Variants in SLC25A42 observed in about 807,000 individuals in gnomAD.
SLC25A42 encodes the protein mitochondrial coenzyme A transporter SLC25A42.
In SLC25A42, 19 loss-of-function variants were observed where a neutral mutation model predicts 34.7. That is an observed-to-expected ratio of 0.55 (90% CI 0.38 to 0.80). SLC25A42 has a LOEUF of 0.80. Among genes scored for constraint, SLC25A42 ranks in the 30% least tolerant of loss-of-function variants. The pLI, the probability that SLC25A42 is intolerant of heterozygous loss-of-function variation, is 0.00. For synonymous variants in SLC25A42, 205 were observed against 191.2 expected (o/e 1.07, Z -0.59); for missense variants, 364 against 441.3 (o/e 0.82, Z 1.57).
chr19:19,106,174 C>A, intron 5 of SLC25A42, 95 bp from the exon 6 acceptor site: 3 of 1,085,438 alleles, frequency 2.8e-6, no homozygotes, highest in Non-Finnish European at 4.1e-6. Context: ...CCCCTGTCCC[C>A]GCCCCAGCAG....
At chr19:19,100,050 A>G (rs12971493) in intron 2 of SLC25A42, among the ~76,000 whole-genome samples, 136,557 of 151,850 alleles carry the variant, frequency 0.9, 61,658 homozygotes, top group African/African-American at 0.97. Flanking sequence ...TATTAAAAAT[A>G]GCCCATTTCG....
In SLC25A42 at chr19:19,109,940, G is replaced by A. The variant is rs2146316785; in HGVS notation, c.650-629G>A. 6.6e-6 allele frequency among the ~76,000 whole-genome samples: 1 copy of A among 152,298 alleles called. No individual in the cohort carries two copies. The highest frequency in any genetic ancestry group is 1.5e-5 in the Non-Finnish European group (1 of 68,026). ...AGGGAGGGCGCAGGTCGGGGACCAG[G>A]CACGGGAGCACCTAGAATGTTCCTT... On this transcript the variant is annotated intron_variant, in intron 7 of 7. Transcript: ENST00000318596. The surrounding 1 kb of genome is among the most constrained non-coding windows in gnomAD (Gnocchi z 4.1).
At chr19:19,104,961 C>T (rs756983526) in intron 4 of SLC25A42, 23 bp downstream of exon 4, 13 of 1,613,920 alleles carry the variant, frequency 8.1e-6, no homozygotes, top group African/African-American at 2.7e-5. Flanking sequence ...GTCACCGCCC[C>T]GGCCTGGGGA....
intron 2 of SLC25A42, among the ~76,000 whole-genome samples, chr19:19,098,376 T>C (rs1269931004): frequency 6.6e-6 from 1 of 152,164 alleles, no homozygotes; most frequent in South Asian, 2.1e-4. Flanking sequence ...GACGGGAGGA[T>C]TGCTTGAACC....
In SLC25A42 at chr19:19,082,756, G is replaced by A. The variant is rs1035644343; in HGVS notation, c.-34-13335G>A. ...CCTCGTTGCAGCCTCCAACTCCTGG[G>A]CTCAAGCCATCCTCCCATCTTGGCC... On this transcript the variant is annotated intron_variant, in intron 1 of 7. Transcript: ENST00000318596. Among the ~76,000 whole-genome samples the A allele has an allele frequency of 2.0e-5, 3 of 152,114 alleles. No homozygotes were observed. The East Asian group carries it at 5.8e-4, about 29-fold the overall frequency.
intron 1 of SLC25A42, among the ~76,000 whole-genome samples, chr19:19,065,492 G>T (rs1190756311): frequency 6.6e-6 from 1 of 152,110 alleles, no homozygotes; most frequent in Non-Finnish European, 1.5e-5. Flanking sequence ...AGCATAGAAG[G>T]AGGACAGTGG....
At chr19:19,105,792 T>G in intron 5 of SLC25A42, 65 bp downstream of exon 5, 1 of 1,344,152 alleles carries the variant, frequency 7.4e-7, no homozygotes, top group Non-Finnish European at 1.0e-6. Flanking sequence ...CTCTTTCTTC[T>G]GCACGCCCCG....
intron 1 of SLC25A42, among the ~76,000 whole-genome samples, chr19:19,070,459 A>G (rs2059624255): frequency 6.6e-6 from 1 of 151,836 alleles, no homozygotes; most frequent in Non-Finnish European, 1.5e-5. Flanking sequence ...CACCGCATCC[A>G]GCTAATTTTT....
chr19:19,070,651 G>C (rs79671906), intron 1 of SLC25A42, among the ~76,000 whole-genome samples: 2 of 152,130 alleles, frequency 1.3e-5, no homozygotes, highest in African/African-American at 4.8e-5. Flanking sequence ...TAAATCTCAA[G>C]GTGAACTCAT....
At chr19:19,069,647 T>G (rs2059619200) in intron 1 of SLC25A42, among the ~76,000 whole-genome samples, 1 of 152,158 alleles carries the variant, frequency 6.6e-6, no homozygotes, top group Admixed American at 6.5e-5. Flanking sequence ...TGTGTCTTTG[T>G]GTCCTCTATT....
chr19:19,103,731 A>G (rs1321302178), intron 3 of SLC25A42, among the ~76,000 whole-genome samples: 1 of 152,028 alleles, frequency 6.6e-6, no homozygotes, highest in Non-Finnish European at 1.5e-5. Flanking sequence ...AAGAATCTGC[A>G]GGCTTGAGCC....
intron 1 of SLC25A42, among the ~76,000 whole-genome samples, chr19:19,079,632 A>C (rs182815873): frequency 3.5e-4 from 53 of 152,278 alleles, no homozygotes; most frequent in Non-Finnish European, 5.9e-5. Flanking sequence ...TGTCATGCGA[A>C]CATTTTGTAT....
At chr19:19,093,253 C>T (rs951109897) in intron 1 of SLC25A42, among the ~76,000 whole-genome samples, 2 of 152,078 alleles carry the variant, frequency 1.3e-5, no homozygotes, top group Admixed American at 6.6e-5. Flanking sequence ...TGGGCTCAAG[C>T]GATCCTCCTA....
chr19:19,105,668 G>A lies in SLC25A42; in HGVS notation c.321G>A (p.Gln107=), dbSNP rs760915278. The A allele has an allele frequency of 1.2e-4, 196 of 1,613,332 alleles. No individual in the cohort carries two copies. In the Middle Eastern group the frequency reaches 2.6e-3, roughly 22 times the overall value. The part of the protein sequence containing the change: ...MVRVVPYAAI[Q]FSAHEEYKRI... ...GCGTGGTGCCCTACGCCGCCATCCA[G>A]TTCAGCGCACACGAGGAGTACAAGC... Residue 107 remains glutamine (Q), a synonymous_variant, in exon 5 of 8, where the codon CAG becomes CAA. Coordinates refer to ENST00000318596, the MANE Select transcript of SLC25A42 (RefSeq NM_178526.5).
intron 1 of SLC25A42, among the ~76,000 whole-genome samples, chr19:19,066,689 G>A (rs562334836): frequency 4.6e-5 from 7 of 152,140 alleles, no homozygotes; most frequent in African/African-American, 1.7e-4. Flanking sequence ...CTGACCTTGT[G>A]ATCAGCCTGC....
At chr19:19,101,653 A>G in intron 2 of SLC25A42, 128 bp from the exon 3 acceptor site, 2 of 760,466 alleles carry the variant, frequency 2.6e-6, no homozygotes, top group Non-Finnish European at 4.2e-6. Flanking sequence ...AAGCAAGGCC[A>G]ACATACTCAG....
chr19:19,097,417 A>G (rs1340746295), intron 2 of SLC25A42, among the ~76,000 whole-genome samples: 1 of 152,246 alleles, frequency 6.6e-6, no homozygotes, highest in African/African-American at 2.4e-5. Context: ...GAACACCTGG[A>G]TATGGCTGTT....
intron 2 of SLC25A42, among the ~76,000 whole-genome samples, chr19:19,100,271 G>A (rs915083052): frequency 3.3e-5 from 5 of 152,030 alleles, no homozygotes; most frequent in Admixed American, 6.6e-5. Flanking sequence ...GAACCCGAGA[G>A]GCAAAGTTTG....
intron 1 of SLC25A42, among the ~76,000 whole-genome samples, chr19:19,092,226 C>T (rs2059741803): frequency 6.6e-6 from 1 of 152,224 alleles, no homozygotes; most frequent in Non-Finnish European, 1.5e-5. Flanking sequence ...TTAATCACAT[C>T]TGCACAGACC....
Sources: allele counts gnomAD v4.1 joint callset (sites outside exome capture counted in the v4.1 genomes callset), GRCh38; gene constraint gnomAD v4.1.1; non-coding constraint Gnocchi (gnomAD v3.1); transcripts MANE v1.5; gene names NCBI Gene and HGNC (gene_info 2026-07-23, HGNC 2026-07-21).